Variants in ANXA8 observed in about 807,000 individuals in gnomAD.
ANXA8 encodes the protein annexin A8.
In ANXA8, 9 loss-of-function variants were observed where a neutral mutation model predicts 26.8. The observed-to-expected ratio is 0.34, with a 90% CI of 0.20 to 0.59. ANXA8 has a LOEUF of 0.59. Among genes scored for constraint, ANXA8 ranks in the 20% least tolerant of loss-of-function variants. The pLI, the probability that ANXA8 is intolerant of heterozygous loss-of-function variation, is 0.84. For synonymous variants in ANXA8, 39 were observed against 94.8 expected (o/e 0.41, Z 3.42); for missense variants, 83 against 238.5 (o/e 0.35, Z 4.29).
At chr10:47,958,842 C>T in the ANXA8 span, among the ~76,000 whole-genome samples, 1 of 149,654 alleles carries the variant, frequency 6.7e-6, no homozygotes, top group Non-Finnish European at 1.5e-5. Flanking sequence ...TCACGAGACT[C>T]ACTCACTATC....
At chr10:47,699,730 A>T in the ANXA8 span, among the ~76,000 whole-genome samples, 1 of 151,626 alleles carries the variant, frequency 6.6e-6, no homozygotes, top group African/African-American at 2.4e-5. Flanking sequence ...TGGGAGGCTG[A>T]GGTAAAAGGA....
the ANXA8 span, among the ~76,000 whole-genome samples, chr10:47,494,727 A>AG: frequency 6.7e-6 from 1 of 148,956 alleles, no homozygotes; most frequent in Non-Finnish European, 1.5e-5. Flanking sequence ...CCAGAGGAAG[A>AG]GGGGCCCAGC....
the ANXA8 span, among the ~76,000 whole-genome samples, chr10:47,559,374 C>G: frequency 6.6e-6 from 1 of 151,528 alleles, no homozygotes; most frequent in Non-Finnish European, 1.5e-5. Context: ...GTGATCTGCC[C>G]AGCTCGGCCT....
chr10:47,738,602 G>A, the ANXA8 span, among the ~76,000 whole-genome samples: 1 of 151,854 alleles, frequency 6.6e-6, no homozygotes, highest in South Asian at 2.1e-4. Context: ...TTTGATACAG[G>A]GTCTCACTCT....
the ANXA8 span, among the ~76,000 whole-genome samples, chr10:47,748,775 C>T: frequency 6.7e-6 from 1 of 150,014 alleles, no homozygotes; most frequent in Admixed American, 6.6e-5. Flanking sequence ...TGACACATTA[C>T]TCTCAAAGGA....
chr10:47,469,322 G>A (rs1389105538), intron 11 of ANXA8, among the ~76,000 whole-genome samples: 5 of 152,036 alleles, frequency 3.3e-5, no homozygotes, highest in Admixed American at 6.6e-5. Context: ...CACACCTGGG[G>A]GCAGGGCCGG....
At chr10:47,562,820 G>A in the ANXA8 span, among the ~76,000 whole-genome samples, 1 of 150,328 alleles carries the variant, frequency 6.7e-6, no homozygotes, top group African/African-American at 2.5e-5. Flanking sequence ...AGTGGGTGAG[G>A]AGAATAACAG....
the ANXA8 span, chr10:47,510,088 C>T: frequency 6.8e-6 from 10 of 1,460,778 alleles, no homozygotes; most frequent in Non-Finnish European, 9.1e-6. Flanking sequence ...ATTTCTTAAG[C>T]TGATTGCTGA....
chr10:47,770,106 C>G, the ANXA8 span, among the ~76,000 whole-genome samples: 3 of 146,778 alleles, frequency 2.0e-5, no homozygotes, highest in African/African-American at 7.7e-5. Flanking sequence ...AAGGAGGCAC[C>G]AAGCCATTCA....
the ANXA8 span, among the ~76,000 whole-genome samples, chr10:47,683,104 A>C: frequency 6.6e-6 from 1 of 152,138 alleles, no homozygotes; most frequent in Admixed American, 6.5e-5. Flanking sequence ...CGATAGCTTT[A>C]AACTTCAACT....
chr10:47,639,946 T>C, the ANXA8 span, among the ~76,000 whole-genome samples: 100 of 149,034 alleles, frequency 6.7e-4, no homozygotes, highest in African/African-American at 2.5e-3. Flanking sequence ...TCCACCTATA[T>C]AATTTTTGTA....
At chr10:47,777,592 C>T in the ANXA8 span, among the ~76,000 whole-genome samples, 4 of 152,240 alleles carry the variant, frequency 2.6e-5, no homozygotes, top group African/African-American at 7.2e-5. Context: ...AAAACACACC[C>T]ACCAAATCCT....
the ANXA8 span, among the ~76,000 whole-genome samples, chr10:47,547,949 T>C: frequency 7.1e-6 from 1 of 141,732 alleles, no homozygotes; most frequent in African/African-American, 2.6e-5. Context: ...TTAATATGTA[T>C]GTGTTTAAAA....
chr10:47,514,287 A>C, the ANXA8 span, among the ~76,000 whole-genome samples: 4 of 150,436 alleles, frequency 2.7e-5, no homozygotes, highest in Non-Finnish European at 5.9e-5. Flanking sequence ...CACCTCAGCC[A>C]TAATAAGGAA....
chr10:47,626,907 AT>A, the ANXA8 span, among the ~76,000 whole-genome samples: 1 of 149,732 alleles, frequency 6.7e-6, no homozygotes, highest in Non-Finnish European at 1.5e-5. Flanking sequence ...AAAACGTTCC[AT>A]TTTTAAATTG....
chr10:47,749,547 T>C, the ANXA8 span, among the ~76,000 whole-genome samples: 1 of 143,738 alleles, frequency 7.0e-6, no homozygotes, highest in Non-Finnish European at 1.5e-5. Flanking sequence ...TGTGAGATCA[T>C]AGCATTGTCT....
the ANXA8 span, among the ~76,000 whole-genome samples, chr10:47,566,991 AG>A: frequency 0.022 from 3,257 of 147,906 alleles, 169 homozygotes; most frequent in African/African-American, 0.078. Context: ...AGGTATGAGG[AG>A]GGGGTGGGCT....
the ANXA8 span, among the ~76,000 whole-genome samples, chr10:47,504,823 A>G: frequency 6.5e-5 from 9 of 137,708 alleles, no homozygotes; most frequent in African/African-American, 2.2e-4. Context: ...CCCTTCCAGA[A>G]GGCCTAAGAG....
chr10:47,703,523 A>G, the ANXA8 span, among the ~76,000 whole-genome samples: 1 of 150,434 alleles, frequency 6.6e-6, no homozygotes, highest in African/African-American at 2.4e-5. Flanking sequence ...AGCCGTGATC[A>G]TGCCACTGCA....
Sources: allele counts gnomAD v4.1 joint callset (sites outside exome capture counted in the v4.1 genomes callset), GRCh38; gene constraint gnomAD v4.1.1; transcripts MANE v1.5; gene names NCBI Gene and HGNC (gene_info 2026-07-23, HGNC 2026-07-21).